AOPEP: variants seen among roughly 807,000 people sequenced by gnomAD.
AOPEP encodes the protein aminopeptidase O.
In AOPEP, 77 loss-of-function variants were observed where a neutral mutation model predicts 98.1. The observed-to-expected ratio is 0.78, with a 90% confidence interval of 0.65 to 0.95. The LOEUF (loss-of-function observed/expected upper bound fraction) is 0.95. AOPEP is among the 40% of genes least tolerant of loss of function. The pLI is 0.00. For missense variants in AOPEP, 1,024 were observed against 1,024.7 expected, an observed-to-expected ratio of 1.00 and a Z score of 0.01; for synonymous variants, 346 against 365.3, an observed-to-expected ratio of 0.95 and a Z score of 0.60.
chr9:94,926,287 G>A (rs1564391825), intron 6 of AOPEP, among the ~76,000 whole-genome samples: 3 of 152,134 alleles, frequency 2.0e-5, no homozygotes, highest in South Asian at 2.1e-4. Context: ...TCAGAATTCC[G>A]AGGTAGGAGA....
In AOPEP at chr9:94,955,234, T is replaced by C. The variant is rs1237426778; in HGVS notation, c.1719T>C (p.His573=). Residue 573 remains histidine, a synonymous_variant, in exon 8 of 17, where the codon CAT becomes CAC. Coordinates refer to ENST00000375315, the MANE Select transcript of AOPEP (RefSeq NM_001193329.3). ...ACTCGGGAGCATCTGTTATCAAGCA[T>C]GGACTTAATCCGGAGAAGATCTTCA... ...TSDSGASVIK[H]GLNPEKIFMQ... The C allele has an allele frequency of 6.2e-7, 1 of 1,613,734 alleles. No homozygotes were observed.
intron 7 of AOPEP, among the ~76,000 whole-genome samples, chr9:94,952,182 T>C (rs2058145383): frequency 6.6e-6 from 1 of 152,276 alleles, no homozygotes; most frequent in South Asian, 2.1e-4. Context: ...CGTGTGCCAG[T>C]GGCACATGAG....
chr9:95,022,208 G>A (rs559586986), intron 13 of AOPEP: 1 of 152,314 alleles, frequency 6.6e-6, no homozygotes, highest in East Asian at 1.9e-4. Context: ...TCTTCAAAAT[G>A]ATGTTCCAGG....
chr9:95,095,505 T>C, the AOPEP span, among the ~76,000 whole-genome samples: 1 of 152,254 alleles, frequency 6.6e-6, no homozygotes, highest in Non-Finnish European at 1.5e-5. Flanking sequence ...TTTTTTCATG[T>C]GCTGCAAATA....
the AOPEP span, among the ~76,000 whole-genome samples, chr9:95,119,323 T>A: frequency 6.6e-6 from 1 of 151,922 alleles, no homozygotes; most frequent in African/African-American, 2.4e-5. Flanking sequence ...TATTTTCTCC[T>A]AGCTAACGGC....
chr9:94,773,385 T>A lies in AOPEP; in HGVS notation c.964+217T>A, dbSNP rs528670489. 14 of 403,746 alleles carry A rather than the reference T, an allele frequency of 3.5e-5. No individual in the cohort carries two copies. The East Asian group carries it at 5.2e-4, about 15-fold the overall frequency. The allele number at this position is 403,746 out of a possible 1,614,324, so 25.0% of individuals were successfully genotyped here. A position where few individuals can be genotyped will look rare whatever the true frequency, so the allele number is the denominator to read the frequency against. ...TTTGGGGCTCTTCATACTAGAGTTGTCGGTTCATAGACTATTTCAGCAGTT... is the reference window on the plus strand; with the variant it reads ...TTTGGGGCTCTTCATACTAGAGTTGACGGTTCATAGACTATTTCAGCAGTT... On this transcript the variant is annotated intron_variant, in intron 3 of 16. Transcript: ENST00000375315.
chr9:94,838,831 G>A (rs1248723858), intron 5 of AOPEP, among the ~76,000 whole-genome samples: 1 of 148,828 alleles, frequency 6.7e-6, no homozygotes, highest in Non-Finnish European at 1.5e-5. Flanking sequence ...TAGAGGTCCT[G>A]TATGTATTTT....
At chr9:95,150,176 G>A in the AOPEP span, 27 of 1,374,668 alleles carry the variant, frequency 2.0e-5, no homozygotes, top group African/African-American at 3.0e-4. Context: ...AAAGGTCAAA[G>A]ACAGATCACC....
chr9:94,754,752 A>T (rs1410931777), intron 1 of AOPEP, among the ~76,000 whole-genome samples: 2 of 152,228 alleles, frequency 1.3e-5, no homozygotes, highest in African/African-American at 4.8e-5. Flanking sequence ...GCATTGGAGG[A>T]TGGAAGTAAC....
At chr9:94,892,964 A>G (rs1214876162) in intron 5 of AOPEP, among the ~76,000 whole-genome samples, 3 of 152,210 alleles carry the variant, frequency 2.0e-5, no homozygotes, top group African/African-American at 7.2e-5. Context: ...AAGTGCTGGG[A>G]TTCCAGGGGT....
At chr9:94,769,616 T>C (rs1840402364) in intron 2 of AOPEP, among the ~76,000 whole-genome samples, 1 of 152,172 alleles carries the variant, frequency 6.6e-6, no homozygotes, top group South Asian at 2.1e-4. Context: ...TTGATCTACA[T>C]GTTCAGAGTT....
rs1177303701 is a variant in AOPEP at position 94,792,686 on chromosome 9, G to A, written c.965-79G>A. 5 of 1,328,308 alleles carry A rather than the reference G, an allele frequency of 3.8e-6. No individual in the cohort carries two copies. In the South Asian group the frequency reaches 8.0e-5, roughly 21 times the overall value. The allele number at this position is 1,328,308 out of a possible 1,614,324, so 82.3% of individuals were successfully genotyped here. ...CCAGCTTATCACAAAAGCTCTTCAAGTGCCTCGAGAAGAAATTATACAGCA... is the reference window on the plus strand; with the variant it reads ...CCAGCTTATCACAAAAGCTCTTCAAATGCCTCGAGAAGAAATTATACAGCA... On this transcript the variant is annotated intron_variant, in intron 3 of 16. Coordinates refer to ENST00000375315, the MANE Select transcript of AOPEP (RefSeq NM_001193329.3).
chr9:95,089,737 G>C (rs371609947), downstream of AOPEP, among the ~76,000 whole-genome samples: 1 of 152,186 alleles, frequency 6.6e-6, no homozygotes, highest in Non-Finnish European at 1.5e-5. Context: ...ACTTGAATCC[G>C]CCAGTTAAGT....
intron 5 of AOPEP, chr9:94,904,580 A>G (rs1393797820): frequency 6.6e-6 from 1 of 152,192 alleles, no homozygotes; most frequent in Non-Finnish European, 1.5e-5. Flanking sequence ...TACATATTTC[A>G]TACCTTTAAG....
intron 5 of AOPEP, among the ~76,000 whole-genome samples, chr9:94,807,766 T>G (rs1438771104): frequency 1.3e-5 from 2 of 152,216 alleles, no homozygotes; most frequent in Non-Finnish European, 2.9e-5. Context: ...ACTACCAGCT[T>G]CTGTACTGCT....
At chr9:95,055,440 T>C (rs886786497) in intron 13 of AOPEP, among the ~76,000 whole-genome samples, 3 of 152,242 alleles carry the variant, frequency 2.0e-5, no homozygotes, top group Non-Finnish European at 4.4e-5. Flanking sequence ...AAAAGCACCA[T>C]GTGAAAATTT....
chr9:94,791,518 T>C (rs1845715061), intron 3 of AOPEP, among the ~76,000 whole-genome samples: 1 of 147,440 alleles, frequency 6.8e-6, no homozygotes, highest in Admixed American at 6.9e-5. Flanking sequence ...AAAAAAAAAA[T>C]GTAAGCTGTG....
chr9:95,106,978 G>T, the AOPEP span: 3 of 1,291,572 alleles, frequency 2.3e-6, no homozygotes, highest in Non-Finnish European at 3.3e-6. Context: ...TACACACACT[G>T]TGCAGAGGCC....
intron 13 of AOPEP, among the ~76,000 whole-genome samples, chr9:95,060,160 T>C (rs536545307): frequency 6.6e-6 from 1 of 152,296 alleles, no homozygotes; most frequent in African/African-American, 2.4e-5. Context: ...TTTTAATGGA[T>C]TATAAGTATG....
Sources: gnomAD v4.1 joint callset for allele counts (sites outside exome capture counted in the v4.1 genomes callset) on GRCh38, gnomAD v4.1.1 for gene constraint, MANE v1.5 for transcripts, NCBI Gene and HGNC (gene_info 2026-07-23, HGNC 2026-07-21) for gene names.